HTR2C: variants seen among roughly 807,000 people sequenced by gnomAD.
HTR2C encodes 5-hydroxytryptamine receptor 2C.
Under a neutral mutation model 21.0 loss-of-function variants are expected in HTR2C, and 5 were observed. The ratio of observed to expected loss-of-function variants is 0.24; its 90% CI spans 0.12 to 0.50. The LOEUF (loss-of-function observed/expected upper bound fraction) is 0.50. HTR2C is among the 20% of genes least tolerant of loss of function. The pLI is 0.98. For missense variants in HTR2C, 271 were observed against 371.2 expected (o/e 0.73, Z 2.22); for synonymous variants, 150 against 145.3 (o/e 1.03, Z -0.23).
chrX:114,678,668 T>C (rs782640247), intron 2 of HTR2C, among the ~76,000 whole-genome samples: 10 of 111,572 alleles, frequency 9.0e-5, no homozygotes, highest in Non-Finnish European at 1.7e-4. Context: ...AGATAATGAA[T>C]GTGAAAGTGC....
At chrX:114,695,710 T>C (rs1385340168) in intron 2 of HTR2C, among the ~76,000 whole-genome samples, 4 of 111,932 alleles carry the variant, frequency 3.6e-5, no homozygotes, top group Non-Finnish European at 7.5e-5. Flanking sequence ...CCACCAACAC[T>C]GTGCAAATAG....
chrX:114,748,802 T>A (rs782002380), intron 4 of HTR2C, among the ~76,000 whole-genome samples: 120 of 111,106 alleles, frequency 1.1e-3, no homozygotes, highest in Non-Finnish European at 1.6e-3. Flanking sequence ...CAGAAGAAAA[T>A]CTTTAATGAT....
chrX:114,777,754 C>T (rs190579086), intron 4 of HTR2C, among the ~76,000 whole-genome samples: 4,957 of 110,686 alleles, frequency 0.045, 278 homozygotes, highest in African/African-American at 0.15. Flanking sequence ...GACAGGGTTT[C>T]CCTGTGTTGG....
chrX:114,874,865 A>G (rs1288549702), intron 5 of HTR2C, among the ~76,000 whole-genome samples: 1 of 111,559 alleles, frequency 9.0e-6, no homozygotes, highest in Admixed American at 9.6e-5. Context: ...GCACTTTTTC[A>G]TATACCTGTC....
intron 4 of HTR2C, among the ~76,000 whole-genome samples, chrX:114,789,605 A>T (rs1443873763): frequency 2.7e-5 from 3 of 111,563 alleles, no homozygotes; most frequent in African/African-American, 9.8e-5. Context: ...GACCTCTGAA[A>T]ATTAAAAAAA....
intron 4 of HTR2C, among the ~76,000 whole-genome samples, chrX:114,813,573 A>G (rs781870512): frequency 4.5e-5 from 5 of 112,036 alleles, no homozygotes; most frequent in African/African-American, 1.6e-4. Flanking sequence ...TACCAGACAG[A>G]AGTAAGTTTT....
intron 2 of HTR2C, among the ~76,000 whole-genome samples, chrX:114,704,220 T>A (rs1932680822): frequency 9.0e-6 from 1 of 111,609 alleles, no homozygotes; most frequent in Non-Finnish European, 1.9e-5. Flanking sequence ...GACGCCAGCA[T>A]CATCCTGATA....
intron 5 of HTR2C, among the ~76,000 whole-genome samples, chrX:114,863,912 T>G (rs1459600612): frequency 9.0e-6 from 1 of 111,435 alleles, no homozygotes; most frequent in African/African-American, 3.3e-5. Context: ...CTTGCAAAAA[T>G]TTTTAACTTG....
At chrX:114,772,291 A>AT (rs1429894789) in intron 4 of HTR2C, among the ~76,000 whole-genome samples, 3 of 112,070 alleles carry the variant, frequency 2.7e-5, no homozygotes, top group Non-Finnish European at 5.6e-5. Flanking sequence ...GCATAAAATG[A>AT]TTTTACTGCA....
At chrX:114,850,668 T>C in intron 5 of HTR2C, among the ~76,000 whole-genome samples, 1 of 110,504 alleles carries the variant, frequency 9.0e-6, no homozygotes, top group Non-Finnish European at 1.9e-5. Flanking sequence ...ACTTTGTCTC[T>C]ACAAATAAAA....
chrX:114,726,752 A>G (rs1933508002), intron 2 of HTR2C, 106 bp from the exon 3 acceptor site: 1 of 374,792 alleles, frequency 2.7e-6, no homozygotes, highest in Non-Finnish European at 4.6e-6. Flanking sequence ...TGAATTAATA[A>G]CTGTTTCTTA....
At chrX:114,845,215 A>G (rs2070864699) in intron 4 of HTR2C, among the ~76,000 whole-genome samples, 1 of 111,393 alleles carries the variant, frequency 9.0e-6, no homozygotes, top group Non-Finnish European at 1.9e-5. Flanking sequence ...TCAGTAACAG[A>G]AAGAAAACTA....
At chrX:114,705,342 A>G (rs1285208740) in intron 2 of HTR2C, among the ~76,000 whole-genome samples, 2 of 111,573 alleles carry the variant, frequency 1.8e-5, no homozygotes, top group Admixed American at 9.6e-5. Context: ...ACAACATGGT[A>G]CTGGCACCAA....
At chrX:114,781,082 G>C (rs6655338) in intron 4 of HTR2C, among the ~76,000 whole-genome samples, 1 of 111,485 alleles carries the variant, frequency 9.0e-6, no homozygotes, top group South Asian at 3.7e-4. Flanking sequence ...AGTAAATTAA[G>C]AGCAGTTTAG....
At chrX:114,896,442 A>G (rs1360029465) in intron 5 of HTR2C, among the ~76,000 whole-genome samples, 1 of 112,245 alleles carries the variant, frequency 8.9e-6, no homozygotes, top group East Asian at 2.8e-4. Context: ...TGAGAAAGGA[A>G]TGTTAAAAAT....
At chrX:114,753,133 C>T (rs1371460522) in intron 4 of HTR2C, among the ~76,000 whole-genome samples, 8 of 109,206 alleles carry the variant, frequency 7.3e-5, no homozygotes, top group Middle Eastern at 4.8e-3. Context: ...TCTCCAGTAC[C>T]CTCTCTGGGT....
intron 4 of HTR2C, among the ~76,000 whole-genome samples, chrX:114,801,183 T>G (rs2070342637): frequency 9.0e-6 from 1 of 111,629 alleles, no homozygotes; most frequent in East Asian, 2.8e-4. Flanking sequence ...GCATACAGTA[T>G]TAACCCGTAA....
chrX:114,621,463 TTATC>T (rs1435688848), intron 2 of HTR2C, among the ~76,000 whole-genome samples: 1 of 111,957 alleles, frequency 8.9e-6, no homozygotes, highest in Admixed American at 9.5e-5. Flanking sequence ...GACATATTAT[TTATC>T]TTTTTGTATT....
intron 4 of HTR2C, among the ~76,000 whole-genome samples, chrX:114,793,926 T>C (rs781843675): frequency 3.6e-5 from 4 of 110,230 alleles, no homozygotes; most frequent in East Asian, 2.8e-4. Flanking sequence ...AGTTAGATGT[T>C]AGTGAGTGCT....
Sources: allele counts gnomAD v4.1 joint callset (sites outside exome capture counted in the v4.1 genomes callset), GRCh38; gene constraint gnomAD v4.1.1; transcripts MANE v1.5; gene names NCBI Gene and HGNC (gene_info 2026-07-23, HGNC 2026-07-21).